The following MMP9 variants were observed in gnomAD, a reference collection of about 807,000 sequenced individuals.
MMP9 encodes matrix metalloproteinase-9.
Under a neutral mutation model 76.4 loss-of-function variants are expected in MMP9, and 73 were observed. The observed-to-expected ratio is 0.96, with a 90% CI of 0.79 to 1.16. The LOEUF (loss-of-function observed/expected upper bound fraction) is 1.16. Among genes scored for constraint, MMP9 ranks in the 50% most tolerant of loss-of-function variants. The pLI is 0.00. For missense variants in MMP9, 943 were observed against 973.0 expected (o/e 0.97, Z 0.41); for synonymous variants, 412 against 408.4 (o/e 1.01, Z -0.11).
chr20:46,011,986 C>T, intron 6 of MMP9, 151 bp from the exon 7 acceptor site: 2 of 1,152,778 alleles, frequency 1.7e-6, no homozygotes, highest in Non-Finnish European at 2.4e-6. Flanking sequence ...GGTCTGGTGT[C>T]CCAGGCACCG....
At position 46,013,381 on chromosome 20, in the gene MMP9, C is replaced by T. The variant is rs200004905; in HGVS notation, c.1457C>T (p.Thr486Ile). 2.5e-6 allele frequency: 4 copies of T among 1,612,236 alleles called. No individual in the cohort carries two copies. In the East Asian group the frequency reaches 8.9e-5, roughly 36 times the overall value. ...HPSERPTAGP[T>I]GPPSAGPTGP... ...TCAGAGCGCCCCACAGCTGGCCCCA[C>T]AGGTCCCCCCTCAGCTGGCCCCACA... The change falls in exon 9 of 13, where the codon ACA (threonine) becomes ATA (isoleucine). Residue 486 changes from threonine (T) to isoleucine (I), a missense_variant. Coordinates refer to ENST00000372330, the MANE Select transcript of MMP9 (RefSeq NM_004994.3). This position sits in a 1 kb window ranked among gnomAD's most constrained non-coding sequence, Gnocchi z 4.5.
At position 46,014,394 on chromosome 20, in the gene MMP9, TGGATCCCCGGAGCGCCAGCGAGGTGGACC is replaced by T; in HGVS notation, c.1930_1958del (p.Pro644ValfsTer34). ...AGGTTCGACGTGAAGGCGCAGATGG[TGGATCCCCGGAGCGCCAGCGAGGTGGACC>T]GGATGTTCCCCGGGGTGCCTTTGGA... On this transcript the variant is annotated frameshift_variant, in exon 12 of 13. Coordinates refer to ENST00000372330, the MANE Select transcript of MMP9 (RefSeq NM_004994.3). LOFTEE classifies it high-confidence loss of function. 6.5e-7 allele frequency: 1 copy of T among 1,549,314 alleles called. No individual in the cohort carries two copies. The highest frequency in any genetic ancestry group is 1.2e-5 in the South Asian group (1 of 84,062).
At position 46,013,616 on chromosome 20, in the gene MMP9, C is replaced by G; in HGVS notation, c.1611-41C>G. 6.2e-7 allele frequency: 1 copy of G among 1,613,644 alleles called. No homozygotes were observed. The highest frequency in any genetic ancestry group is 8.5e-7 in the Non-Finnish European group (1 of 1,179,752). ...CCCTTCCCGCCCACTGGCCCTGTGT[C>G]CAAGGCTTAGAGCCCGTCCTTTCCC... On this transcript the variant is annotated intron_variant, in intron 9 of 12. Coordinates refer to ENST00000372330, the MANE Select transcript of MMP9 (RefSeq NM_004994.3). This position sits in a 1 kb window ranked among gnomAD's most constrained non-coding sequence, Gnocchi z 4.5.
At position 46,011,143 on chromosome 20, in the gene MMP9, T is replaced by C; in HGVS notation, c.650T>C (p.Val217Ala). 5.0e-6 allele frequency: 8 copies of C among 1,614,096 alleles called. No individual in the cohort carries two copies. Among genetic ancestry groups the C allele is most frequent in the Non-Finnish European group, 6.8e-6 (8 of 1,180,032 alleles). Reference sequence around the variant, plus strand: ...ACTCCGGTCCCCCCTCCTCCTGCAGTGGTTCCAACTCGGTTTGGAAACGCA... The same window carrying C: ...ACTCCGGTCCCCCCTCCTCCTGCAGCGGTTCCAACTCGGTTTGGAAACGCA... ...DELWSLGKGV[V>A]VPTRFGNADG... Residue 217 changes from valine to alanine, a missense_variant and splice_region_variant, in exon 5 of 13, where the codon GTG (valine) becomes GCG (alanine). Transcript: ENST00000372330.
intron 11 of MMP9, 36 bp from the exon 12 acceptor site, chr20:46,014,335 C>T (rs913904585): frequency 1.9e-6 from 3 of 1,542,836 alleles, no homozygotes; most frequent in South Asian, 2.4e-5. Flanking sequence ...GTCCGCTAGC[C>T]GGCTCAGCAC....
chr20:46,010,052 A>G lies in MMP9; in HGVS notation c.325A>G (p.Thr109Ala). 5 of 1,535,770 alleles carry G rather than the reference A, an allele frequency of 3.3e-6. No homozygotes were observed. Among genetic ancestry groups the G allele is most frequent in the African/African-American group, 2.8e-5 (2 of 71,986 alleles). ...CGVPDLGRFQTFEGDLKWHHH... is the reference protein window; with the variant it reads ...CGVPDLGRFQAFEGDLKWHHH... ...GGTCCCAGACCTGGGCAGATTCCAAACCTTTGAGGGCGACCTCAAGTGGCA... is the reference window on the plus strand; with the variant it reads ...GGTCCCAGACCTGGGCAGATTCCAAGCCTTTGAGGGCGACCTCAAGTGGCA... The change falls in exon 2 of 13, where the codon ACC becomes GCC. Residue 109 changes from threonine to alanine, a missense_variant. By Grantham distance (58) the Thr-to-Ala change is moderately conservative (BLOSUM62 0). Transcript: ENST00000372330.
rs968482034 is a variant in MMP9, at chr20:46,011,697, C to T, written c.947C>T (p.Thr316Ile). 17 of 1,613,896 alleles carry T rather than the reference C, an allele frequency of 1.1e-5. No individual in the cohort carries two copies. Among genetic ancestry groups the T allele is most frequent in the African/African-American group, 1.3e-5 (1 of 74,932 alleles). Reference sequence around the variant, plus strand: ...TCCGACGGCTACCGCTGGTGCGCCACCACCGCCAACTACGACCGGGACAAG... The same window carrying T: ...TCCGACGGCTACCGCTGGTGCGCCATCACCGCCAACTACGACCGGGACAAG... ...GRSDGYRWCA[T>I]TANYDRDKLF... Residue 316 changes from threonine to isoleucine, a missense_variant, in exon 6 of 13, where the codon ACC becomes ATC. Coordinates refer to ENST00000372330, the MANE Select transcript of MMP9 (RefSeq NM_004994.3).
intron 6 of MMP9, 112 bp from the exon 7 acceptor site, chr20:46,012,025 G>A: frequency 7.2e-7 from 1 of 1,393,360 alleles, no homozygotes; most frequent in Non-Finnish European, 9.9e-7. Flanking sequence ...TCTCAGGAGT[G>A]CTCTACAGCG....
chr20:46,010,699 C>G, intron 3 of MMP9, 68 bp downstream of exon 3: 1 of 1,564,330 alleles, frequency 6.4e-7, no homozygotes, highest in Non-Finnish European at 8.7e-7. Flanking sequence ...CCACGGAGAG[C>G]GTGGAGGCAG....
At position 46,013,928 on chromosome 20, in the gene MMP9, A is replaced by T. The variant is rs990449222; in HGVS notation, c.1750+132A>T. ...CGCCCCCTGGCGGACGCAGTTTAGC[A>T]AACGTAGGGGCGGCTGAGTTTCTGC... is the stretch of plus-strand genomic sequence containing the variant. On this transcript the variant is annotated intron_variant, in intron 10 of 12. Coordinates refer to ENST00000372330, the MANE Select transcript of MMP9 (RefSeq NM_004994.3). The surrounding 1 kb of genome is among the most constrained non-coding windows in gnomAD (Gnocchi z 4.5). The T allele has an allele frequency of 3.5e-6, 5 of 1,447,676 alleles. No homozygotes were observed. Among genetic ancestry groups the T allele is most frequent in the African/African-American group, 2.8e-5 (2 of 70,734 alleles). The allele number at this position is 1,447,676 out of a possible 1,614,324, so 89.7% of individuals were successfully genotyped here. A position where few individuals can be genotyped will look rare whatever the true frequency, so the allele number is the denominator to read the frequency against.
chr20:46,012,024 T>C (rs1303250024), intron 6 of MMP9, 113 bp from the exon 7 acceptor site: 16 of 1,378,810 alleles, frequency 1.2e-5, no homozygotes, highest in Non-Finnish European at 1.5e-5. Context: ...TTCTCAGGAG[T>C]GCTCTACAGC....
In MMP9 at chr20:46,013,354, C is replaced by T; in HGVS notation, c.1430C>T (p.Pro477Leu). Residue 477 changes from proline to leucine, a missense_variant, in exon 9 of 13, where the codon CCC becomes CTC. Physicochemically the swap from Pro to Leu is moderately conservative, Grantham distance 98 (BLOSUM62 -3). Coordinates refer to ENST00000372330, the MANE Select transcript of MMP9 (RefSeq NM_004994.3). This position sits in a 1 kb window ranked among gnomAD's most constrained non-coding sequence, Gnocchi z 4.5. ...CCCACCGGACCCCCCACTGTCCACC[C>T]CTCAGAGCGCCCCACAGCTGGCCCC... ...VCPTGPPTVH[P>L]SERPTAGPTG... The T allele has an allele frequency of 6.2e-7, 1 of 1,613,502 alleles. No homozygotes were observed. The highest frequency in any genetic ancestry group is 8.5e-7 in the Non-Finnish European group (1 of 1,179,622).
intron 2 of MMP9, 131 bp downstream of exon 2, chr20:46,010,229 G>A: frequency 1.1e-6 from 1 of 902,842 alleles, no homozygotes; most frequent in African/African-American, 1.7e-5. Context: ...CCTGGGGAGT[G>A]TCCCCACCTC....
chr20:46,009,227 G>T (rs1021289088), intron 1 of MMP9, among the ~76,000 whole-genome samples, 163 bp downstream of exon 1: 2 of 152,136 alleles, frequency 1.3e-5, no homozygotes, highest in Non-Finnish European at 2.9e-5. Context: ...GGGGGGTCTT[G>T]TGGAGGCTTT....
rs770241322 is a variant in MMP9, at chr20:46,012,470, G to C, written c.1218G>C (p.Ala406=). The C allele has an allele frequency of 5.0e-6, 8 of 1,614,162 alleles. No homozygotes were observed. Among genetic ancestry groups the C allele is most frequent in the Non-Finnish European group, 4.2e-6 (5 of 1,180,006 alleles). The part of the protein sequence containing the change: ...FLVAAHEFGH[A]LGLDHSSVPE... ...TGGCGGCGCATGAGTTCGGCCACGC[G>C]CTGGGCTTAGATCATTCCTCAGTGC... The change falls in exon 8 of 13, where the codon GCG becomes GCC. Residue 406 remains alanine, a synonymous_variant. Transcript: ENST00000372330.
chr20:46,015,174 C>T (rs2084311248), intron 12 of MMP9, among the ~76,000 whole-genome samples: 1 of 152,184 alleles, frequency 6.6e-6, no homozygotes, highest in Non-Finnish European at 1.5e-5. Flanking sequence ...CCCCCGTGTT[C>T]TCATCTCTTC....
At chr20:46,010,731 G>A in intron 3 of MMP9, 100 bp downstream of exon 3, 1 of 1,542,528 alleles carries the variant, frequency 6.5e-7, no homozygotes, top group East Asian at 2.4e-5. Flanking sequence ...GCTTCCTCTT[G>A]CCTGCCCGCG....
intron 12 of MMP9, 36 bp from the exon 13 acceptor site, chr20:46,016,214 A>G: frequency 6.5e-7 from 1 of 1,544,486 alleles, no homozygotes; most frequent in Non-Finnish European, 9.0e-7. Flanking sequence ...TGGGAGAATT[A>G]GAATCACTCC....
chr20:46,013,104 GAA>G lies in MMP9; in HGVS notation c.1331-150_1331-149del, dbSNP rs1568848390. 1 of 915,328 alleles carries G rather than the reference GAA, an allele frequency of 1.1e-6. No individual in the cohort carries two copies. The highest frequency in any genetic ancestry group is 2.4e-5 in the East Asian group (1 of 41,766). 56.7% of individuals were successfully genotyped at this position (915,328 alleles called of 1,614,324 possible). On this transcript the variant is annotated intron_variant, in intron 8 of 12. Transcript: ENST00000372330. The surrounding 1 kb of genome is among the most constrained non-coding windows in gnomAD (Gnocchi z 4.5). ...TGTCGCTTAAAACGAAAAAGAAGAA[GAA>G]GAAAGTCCTGTGGTTTGGGAAGGGA...
Sources: gnomAD v4.1 joint callset for allele counts (sites outside exome capture counted in the v4.1 genomes callset) on GRCh38, gnomAD v4.1.1 for gene constraint, Gnocchi (gnomAD v3.1) non-coding constraint, MANE v1.5 for transcripts, NCBI Gene and HGNC (gene_info 2026-07-23, HGNC 2026-07-21) for gene names.